The following R3HDM2 variants were observed in gnomAD, a reference collection of about 807,000 sequenced individuals.
R3HDM2 encodes the protein R3H domain containing 2, also known as R3H domain-containing protein 2.
Under a neutral mutation model 124.5 loss-of-function variants are expected in R3HDM2, and 38 were observed. That is an observed-to-expected ratio of 0.31 (90% CI 0.24 to 0.40). The LOEUF is 0.40. R3HDM2 is among the 10% of genes least tolerant of loss of function. R3HDM2 has a pLI of 1.00. For missense variants in R3HDM2, 869 were observed against 1,236.9 expected (o/e 0.70, Z 4.46); for synonymous variants, 391 against 448.0 (o/e 0.87, Z 1.61).
At chr12:57,395,240 C>T (rs1283120286) in intron 2 of R3HDM2, among the ~76,000 whole-genome samples, 1 of 151,860 alleles carries the variant, frequency 6.6e-6, no homozygotes, top group African/African-American at 2.4e-5. Flanking sequence ...GGCACGGTGG[C>T]TCACGCCTGT....
intron 2 of R3HDM2, among the ~76,000 whole-genome samples, chr12:57,373,831 TA>T (rs2063674371): frequency 7.4e-6 from 1 of 135,172 alleles, no homozygotes; most frequent in Non-Finnish European, 1.6e-5. Context: ...AATAAATAAA[TA>T]AATAATAATA....
chr12:57,267,126 T>G (rs1218935642), intron 18 of R3HDM2, among the ~76,000 whole-genome samples: 1 of 151,884 alleles, frequency 6.6e-6, no homozygotes, highest in Non-Finnish European at 1.5e-5. Context: ...CATGCACATA[T>G]GCACACACAC....
chr12:57,277,931 A>G lies in R3HDM2; in HGVS notation c.1344+2427T>C, dbSNP rs573067776. ...GCTGAAGGCCAATCAGGGAAAAAGAAAGCAAAAGAAAGAAAGAAAATGGCA... is the reference window on the plus strand; with the variant it reads ...GCTGAAGGCCAATCAGGGAAAAAGAGAGCAAAAGAAAGAAAGAAAATGGCA... On this transcript the variant is annotated intron_variant, in intron 14 of 23. Transcript: ENST00000402412. Among the ~76,000 whole-genome samples, 222 of 152,272 alleles carry G rather than the reference A, an allele frequency of 1.5e-3. 1 individual carries two copies. Among genetic ancestry groups the G allele is most frequent in the African/African-American group, 5.0e-3 (207 of 41,558 alleles).
rs541643212 is a variant in R3HDM2, at chr12:57,275,514, A to C, written c.1344+4844T>G. ...AACGTTTGCATGGAAAAAAAAAAAA[A>C]AAAACAGCAGAGGAAACAGACAAAC... is the stretch of plus-strand genomic sequence containing the variant. On this transcript the variant is annotated intron_variant, in intron 14 of 23. Coordinates refer to ENST00000402412, the MANE Select transcript of R3HDM2 (RefSeq NM_001394031.1). Among the ~76,000 whole-genome samples the C allele has an allele frequency of 2.2e-3, 330 of 152,038 alleles. 4 individuals are homozygous for C. In the East Asian group the frequency reaches 0.022, roughly 10 times the overall value.
chr12:57,374,252 G>A (rs767070490), intron 2 of R3HDM2, among the ~76,000 whole-genome samples: 1 of 152,118 alleles, frequency 6.6e-6, no homozygotes, highest in Non-Finnish European at 1.5e-5. Flanking sequence ...TGGGGAGGTC[G>A]AGATTACAGG....
At chr12:57,255,746 A>G (rs916830491) in intron 23 of R3HDM2, among the ~76,000 whole-genome samples, 2 of 152,342 alleles carry the variant, frequency 1.3e-5, no homozygotes, top group African/African-American at 2.4e-5. Flanking sequence ...CTCTTTGTTA[A>G]TAAGAGGCAA....
At chr12:57,355,027 G>A (rs2061104302) in intron 2 of R3HDM2, among the ~76,000 whole-genome samples, 1 of 151,408 alleles carries the variant, frequency 6.6e-6, no homozygotes, top group Non-Finnish European at 1.5e-5. Context: ...TTCCTTAGTA[G>A]AGTCCGCCTC....
At chr12:57,376,138 T>A (rs1018926094) in intron 2 of R3HDM2, among the ~76,000 whole-genome samples, 3 of 152,204 alleles carry the variant, frequency 2.0e-5, no homozygotes, top group African/African-American at 7.2e-5. Context: ...TCATTGAAGA[T>A]AGAACCACTA....
chr12:57,421,561 A>C (rs895443623), intron 1 of R3HDM2, among the ~76,000 whole-genome samples: 1 of 150,370 alleles, frequency 6.7e-6, no homozygotes, highest in African/African-American at 2.5e-5. Flanking sequence ...GCTGGAGTGC[A>C]ATGTGGTGGG....
rs1380456688 is a variant in R3HDM2, at chr12:57,257,528, A to G, written c.2449+462T>C. Among the ~76,000 whole-genome samples, 4 of 152,330 alleles carry G rather than the reference A, an allele frequency of 2.6e-5. No individual in the cohort carries two copies. In the East Asian group the frequency reaches 5.8e-4, roughly 22 times the overall value. On this transcript the variant is annotated intron_variant, in intron 21 of 23. Transcript: ENST00000402412. ...TGTGATTAACCCCATTTTACAGACT[A>G]GGAAGTGAGGTCTACTTCTGAGTTT... is the stretch of plus-strand genomic sequence containing the variant.
intron 1 of R3HDM2, among the ~76,000 whole-genome samples, chr12:57,424,283 G>T (rs1032461557): frequency 1.3e-5 from 2 of 151,490 alleles, no homozygotes; most frequent in Non-Finnish European, 2.9e-5. Flanking sequence ...TCAGCCTCCC[G>T]AGTAGCTGGG....
intron 2 of R3HDM2, among the ~76,000 whole-genome samples, chr12:57,381,835 A>G (rs1466208064): frequency 6.6e-6 from 1 of 151,978 alleles, no homozygotes; most frequent in Non-Finnish European, 1.5e-5. Flanking sequence ...AGAGACATAA[A>G]CACACAGGGT....
intron 20 of R3HDM2, 40 bp downstream of exon 20, chr12:57,258,850 G>A: frequency 6.9e-7 from 1 of 1,457,532 alleles, no homozygotes; most frequent in Non-Finnish European, 9.1e-7. Context: ...GAAGAATACG[G>A]TCATCTCCTT....
At chr12:57,374,096 C>G (rs1466070863) in intron 2 of R3HDM2, among the ~76,000 whole-genome samples, 1 of 152,014 alleles carries the variant, frequency 6.6e-6, no homozygotes, top group Non-Finnish European at 1.5e-5. Context: ...CCACTGCACT[C>G]CAGCCTGGGT....
rs377129917 is a variant in R3HDM2, at chr12:57,299,317, C to T, written c.421+35G>A. On this transcript the variant is annotated intron_variant, in intron 6 of 23. Coordinates refer to ENST00000402412, the MANE Select transcript of R3HDM2 (RefSeq NM_001394031.1). ...TCAGGATAAAAGTAAAGGGCACTGC[C>T]CTAGAACAGATGAGAGATGGGAAAA... 1.4e-5 allele frequency: 21 copies of T among 1,527,466 alleles called. No homozygotes were observed. The African/African-American group carries it at 2.8e-4, about 20-fold the overall frequency. The allele number at this position is 1,527,466 out of a possible 1,614,324, so 94.6% of individuals were successfully genotyped here.
intron 19 of R3HDM2, among the ~76,000 whole-genome samples, chr12:57,264,823 G>A (rs1344998811): frequency 1.3e-5 from 2 of 152,092 alleles, no homozygotes; most frequent in East Asian, 3.9e-4. Context: ...TTTTTGTAGA[G>A]ATAGGGTCTT....
intron 2 of R3HDM2, among the ~76,000 whole-genome samples, chr12:57,346,292 A>G (rs1018989989): frequency 2.0e-5 from 3 of 151,092 alleles, no homozygotes; most frequent in Non-Finnish European, 4.4e-5. Flanking sequence ...CCTCGTCTCT[A>G]CTAAAAGTAC....
intron 2 of R3HDM2, among the ~76,000 whole-genome samples, chr12:57,323,650 G>A (rs551700906): frequency 2.6e-4 from 40 of 152,312 alleles, no homozygotes; most frequent in African/African-American, 9.4e-4. Flanking sequence ...TGTTCTGGAC[G>A]TGTATACCCT....
At chr12:57,310,883 A>G (rs1566086820) in intron 2 of R3HDM2, among the ~76,000 whole-genome samples, 1 of 152,140 alleles carries the variant, frequency 6.6e-6, no homozygotes, top group Non-Finnish European at 1.5e-5. Context: ...AATCAATCAT[A>G]CACTGTCTGG....
Sources: gnomAD v4.1 joint callset for allele counts (sites outside exome capture counted in the v4.1 genomes callset) on GRCh38, gnomAD v4.1.1 for gene constraint, MANE v1.5 for transcripts, NCBI Gene and HGNC (gene_info 2026-07-23, HGNC 2026-07-21) for gene names.